TNS3: variants seen among roughly 807,000 people sequenced by gnomAD.
TNS3 encodes tensin 3.
In TNS3, 45 loss-of-function variants were observed where a neutral mutation model predicts 140.9. The ratio of observed to expected loss-of-function variants is 0.32; its 90% CI spans 0.25 to 0.41. The LOEUF (loss-of-function observed/expected upper bound fraction) is 0.41, where lower values mean the gene tolerates loss of function less well. Ranked by LOEUF, TNS3 falls within the 10% of genes least tolerant of loss-of-function variation. The pLI is 1.00. For synonymous variants in TNS3, 815 were observed against 788.4 expected (o/e 1.03, Z -0.56); for missense variants, 1,716 against 1,906.7 (o/e 0.90, Z 1.86).
chr7:47,470,530 G>A (rs1156356800), intron 4 of TNS3: 1 of 985,276 alleles, frequency 1.0e-6, no homozygotes, highest in East Asian at 1.1e-4. Flanking sequence ...TGAGTCCAGG[G>A]ACCACACGAC....
intron 20 of TNS3, among the ~76,000 whole-genome samples, chr7:47,339,851 G>T (rs775789804): frequency 4.0e-5 from 6 of 151,442 alleles, no homozygotes; most frequent in Admixed American, 6.6e-5. Context: ...GAAATATTCT[G>T]TGGTTTCCTT....
rs550316698 is a variant in TNS3 at position 47,445,232 on chromosome 7, G to T, written c.-75-3177C>A. 2.6e-5 allele frequency among the ~76,000 whole-genome samples: 4 copies of T among 152,248 alleles called. No homozygotes were observed. The South Asian group carries it at 8.3e-4, about 32-fold the overall frequency. On this transcript the variant is annotated intron_variant, in intron 4 of 30. Coordinates refer to ENST00000311160, the MANE Select transcript of TNS3 (RefSeq NM_022748.12). ...CATGCCTCCAGATGTGCAAACACAG[G>T]TCTGGCCACCTCCAAGGCATGTGGT... is the stretch of plus-strand genomic sequence containing the variant.
intron 1 of TNS3, among the ~76,000 whole-genome samples, chr7:47,561,766 T>C (rs1468808046): frequency 1.3e-5 from 2 of 152,224 alleles, no homozygotes; most frequent in African/African-American, 4.8e-5. Context: ...GCATCCGAGC[T>C]GGTCTTGCTT....
At chr7:47,411,945 T>C in intron 12 of TNS3, 143 bp from the exon 13 acceptor site, 3 of 764,236 alleles carry the variant, frequency 3.9e-6, no homozygotes, top group Non-Finnish European at 4.2e-6. Flanking sequence ...TTCCTGAGAA[T>C]CTAAATGAAT....
chr7:47,566,417 A>G (rs6978937), intron 1 of TNS3, among the ~76,000 whole-genome samples: 149,762 of 152,350 alleles, frequency 0.98, 73,654 homozygotes, highest in East Asian at 1. Flanking sequence ...TGTTTTGTCA[A>G]ATTTGCAAAC....
intron 16 of TNS3, among the ~76,000 whole-genome samples, chr7:47,379,522 A>T (rs1791618941): frequency 6.6e-6 from 1 of 152,224 alleles, no homozygotes; most frequent in Non-Finnish European, 1.5e-5. Context: ...CTTTTAATCT[A>T]CTAAATCAGA....
intron 20 of TNS3, among the ~76,000 whole-genome samples, chr7:47,315,966 T>A (rs1787371459): frequency 6.6e-6 from 1 of 152,326 alleles, no homozygotes; most frequent in South Asian, 2.1e-4. Flanking sequence ...TAGTCTCCTA[T>A]CCAAGTGAAG....
chr7:47,289,877 G>A (rs1290703989), intron 27 of TNS3, among the ~76,000 whole-genome samples: 3 of 152,140 alleles, frequency 2.0e-5, no homozygotes, highest in African/African-American at 7.2e-5. Flanking sequence ...TTATTTTGTG[G>A]ATATTAACAA....
At chr7:47,541,202 G>A (rs932675987) in intron 1 of TNS3, among the ~76,000 whole-genome samples, 1 of 152,196 alleles carries the variant, frequency 6.6e-6, no homozygotes, top group Admixed American at 6.5e-5. Flanking sequence ...AGGCACCTTC[G>A]GGAGGAGCTT....
At chr7:47,416,182 C>T (rs75433723) in intron 10 of TNS3, among the ~76,000 whole-genome samples, 11,740 of 152,284 alleles carry the variant, frequency 0.077, 528 homozygotes, top group South Asian at 0.17. Flanking sequence ...TCAAAAACTC[C>T]GCAATATTTA....
chr7:47,364,097 T>C (rs990915675), intron 17 of TNS3, among the ~76,000 whole-genome samples: 1 of 152,102 alleles, frequency 6.6e-6, no homozygotes, highest in Non-Finnish European at 1.5e-5. Flanking sequence ...TGCTAGGATC[T>C]AGTAATTTTT....
chr7:47,350,256 C>A (rs538602635), intron 17 of TNS3, among the ~76,000 whole-genome samples: 1 of 152,194 alleles, frequency 6.6e-6, no homozygotes, highest in East Asian at 1.9e-4. Flanking sequence ...GAGGAAGGGG[C>A]ACTCTTCCTC....
chr7:47,366,237 G>A (rs557439768), intron 17 of TNS3, among the ~76,000 whole-genome samples: 1 of 152,272 alleles, frequency 6.6e-6, no homozygotes, highest in Admixed American at 6.5e-5. Flanking sequence ...CTATTGTTCA[G>A]GGACTGCTAC....
rs374616215 is a variant in TNS3 at position 47,346,205 on chromosome 7, T to A, written c.2433A>T (p.Ser811=). 1 of 1,614,002 alleles carries A rather than the reference T, an allele frequency of 6.2e-7. No individual in the cohort carries two copies. Among genetic ancestry groups the A allele is most frequent in the Non-Finnish European group, 8.5e-7 (1 of 1,180,008 alleles). The change falls in exon 18 of 31, where the codon TCA becomes TCT. Residue 811 remains serine (S), a synonymous_variant. Transcript: ENST00000311160. ...DYAPNLPPFP[S]PADVKETMTP... is the part of the protein sequence containing the mutation. ...CACATACCTCTTTGACGTCCGCTGG[T>A]GAGGGGAATGGCGGCAGGTTTGGGG... is the stretch of plus-strand genomic sequence containing the variant.
intron 1 of TNS3, among the ~76,000 whole-genome samples, chr7:47,545,108 TC>T (rs1392779242): frequency 6.6e-6 from 1 of 151,218 alleles, no homozygotes; most frequent in African/African-American, 2.4e-5. Flanking sequence ...TTTAAACTCT[TC>T]CGTGATAATA....
At chr7:47,370,028 C>T (rs1790963131) in intron 16 of TNS3, among the ~76,000 whole-genome samples, 1 of 152,188 alleles carries the variant, frequency 6.6e-6, no homozygotes, top group Non-Finnish European at 1.5e-5. Flanking sequence ...CGTTCATAGA[C>T]CTGTCTAACA....
chr7:47,391,430 T>C (rs1792509917), intron 16 of TNS3, among the ~76,000 whole-genome samples: 3 of 152,154 alleles, frequency 2.0e-5, no homozygotes, highest in African/African-American at 4.8e-5. Flanking sequence ...GTGTGTATGA[T>C]AACAAAAATC....
intron 5 of TNS3, 35 bp from the exon 6 acceptor site, chr7:47,439,693 T>TA: frequency 6.2e-7 from 1 of 1,605,484 alleles, no homozygotes; most frequent in Middle Eastern, 1.7e-4. Context: ...AGAAACAGGG[T>TA]AAGGAGGCAG....
At chr7:47,475,542 G>T (rs1017311239) in intron 4 of TNS3, among the ~76,000 whole-genome samples, 1 of 152,212 alleles carries the variant, frequency 6.6e-6, no homozygotes, top group African/African-American at 2.4e-5. Flanking sequence ...CCGGGGGGGG[G>T]GCCAGGCCCT....
Sources: allele counts gnomAD v4.1 joint callset (sites outside exome capture counted in the v4.1 genomes callset), GRCh38; gene constraint gnomAD v4.1.1; transcripts MANE v1.5; gene names NCBI Gene and HGNC (gene_info 2026-07-23, HGNC 2026-07-21).